CTNNA3: variants seen among roughly 807,000 people sequenced by gnomAD.
CTNNA3 encodes the protein catenin alpha 3.
CTNNA3 carries 76 observed loss-of-function variants against 95.7 expected under a neutral mutation model. The observed-to-expected ratio is 0.79, with a 90% CI of 0.66 to 0.96. The LOEUF (loss-of-function observed/expected upper bound fraction) is 0.96, where lower values mean the gene tolerates loss of function less well. Ranked by LOEUF, CTNNA3 falls within the 40% of genes least tolerant of loss-of-function variation. The pLI is 0.00. For missense variants in CTNNA3, 1,191 were observed against 1,089.8 expected, an observed-to-expected ratio of 1.09 and a Z score of -1.31; for synonymous variants, 431 against 374.4, an observed-to-expected ratio of 1.15 and a Z score of -1.74.
At chr10:66,447,777 A>C (rs1372663760) in intron 11 of CTNNA3, among the ~76,000 whole-genome samples, 1 of 152,162 alleles carries the variant, frequency 6.6e-6, no homozygotes, top group Non-Finnish European at 1.5e-5. Flanking sequence ...CAAGGACTTC[A>C]TGTCTAAAAC....
intron 3 of CTNNA3, among the ~76,000 whole-genome samples, chr10:67,584,071 CAA>C (rs1036600050): frequency 6.6e-6 from 1 of 152,192 alleles, no homozygotes; most frequent in African/African-American, 2.4e-5. Context: ...CTCAATTCAT[CAA>C]AGTCATTCTC....
chr10:66,455,801 C>A (rs917981857), intron 11 of CTNNA3, among the ~76,000 whole-genome samples: 4 of 152,182 alleles, frequency 2.6e-5, no homozygotes, highest in African/African-American at 9.6e-5. Context: ...CTTGAATTAT[C>A]TTCTGAGCAA....
At chr10:67,068,025 T>C (rs544393060) in intron 7 of CTNNA3, among the ~76,000 whole-genome samples, 2 of 152,324 alleles carry the variant, frequency 1.3e-5, no homozygotes, top group African/African-American at 4.8e-5. Flanking sequence ...AGTGAAGAAT[T>C]AAAGAACATC....
At chr10:66,812,230 T>C (rs1395788379) in intron 7 of CTNNA3, among the ~76,000 whole-genome samples, 6 of 152,120 alleles carry the variant, frequency 3.9e-5, no homozygotes, top group Admixed American at 2.0e-4. Flanking sequence ...CTAAATTCAA[T>C]AATACATTGA....
chr10:67,640,524 CA>C (rs1209652273), intron 2 of CTNNA3, among the ~76,000 whole-genome samples: 1 of 152,018 alleles, frequency 6.6e-6, no homozygotes, highest in Admixed American at 6.5e-5. Flanking sequence ...CATATGGAAC[CA>C]AAAAAGAGCC....
intron 12 of CTNNA3, among the ~76,000 whole-genome samples, chr10:66,317,748 A>G (rs562955268): frequency 2.1e-4 from 32 of 152,192 alleles, no homozygotes; most frequent in Middle Eastern, 3.4e-3. Context: ...ATTTAATGTC[A>G]GTAACACAAA....
intron 9 of CTNNA3, among the ~76,000 whole-genome samples, chr10:66,641,272 A>C (rs1407141071): frequency 6.6e-6 from 1 of 152,216 alleles, no homozygotes; most frequent in Non-Finnish European, 1.5e-5. Context: ...ACATATAGCC[A>C]ATGAAGCCAC....
chr10:67,284,319 T>C (rs1021610046), intron 5 of CTNNA3, among the ~76,000 whole-genome samples: 3 of 152,190 alleles, frequency 2.0e-5, no homozygotes, highest in African/African-American at 7.2e-5. Context: ...GGCTATGCTT[T>C]TGAATTACAT....
At chr10:67,393,672 C>T (rs976010325) in intron 5 of CTNNA3, among the ~76,000 whole-genome samples, 2 of 152,108 alleles carry the variant, frequency 1.3e-5, no homozygotes, top group Non-Finnish European at 2.9e-5. Context: ...AGTGATAATG[C>T]AATAATGATT....
intron 9 of CTNNA3, among the ~76,000 whole-genome samples, chr10:66,661,630 A>C (rs1411337833): frequency 1.3e-5 from 2 of 152,136 alleles, no homozygotes; most frequent in Non-Finnish European, 2.9e-5. Flanking sequence ...CCAGGGTTTT[A>C]AGTGCACCAA....
Position 66,155,582 on chromosome 10 carries a change from A to C in CTNNA3, c.1885-52333T>G, listed in dbSNP as rs986965445. Among the ~76,000 whole-genome samples the C allele has an allele frequency of 5.9e-5, 9 of 151,952 alleles. No homozygotes were observed. The East Asian group carries it at 1.7e-3, about 29-fold the overall frequency. ...GATCTACAGCAACAACAATAATATGAAGCTTTGGTGCTGTGGGGAGCGGAG... is the reference window on the plus strand; with the variant it reads ...GATCTACAGCAACAACAATAATATGCAGCTTTGGTGCTGTGGGGAGCGGAG... On this transcript the variant is annotated intron_variant, in intron 13 of 17. Transcript: ENST00000433211.
intron 15 of CTNNA3, among the ~76,000 whole-genome samples, chr10:66,056,456 T>A (rs1448490866): frequency 1.3e-5 from 2 of 152,148 alleles, no homozygotes; most frequent in Admixed American, 6.5e-5. Context: ...GTATTTTTTT[T>A]ATCATGTTCA....
intron 2 of CTNNA3, among the ~76,000 whole-genome samples, chr10:67,608,919 CCT>C (rs1454342818): frequency 2.6e-5 from 4 of 151,732 alleles, no homozygotes; most frequent in Non-Finnish European, 5.9e-5. Context: ...GGACAAACCC[CCT>C]CTCTACTAAA....
intron 10 of CTNNA3, among the ~76,000 whole-genome samples, chr10:66,572,221 A>AGATGAGTGAGAAATTCTAAGTTTG (rs1564541070): frequency 6.6e-6 from 1 of 151,844 alleles, no homozygotes; most frequent in African/African-American, 2.4e-5. Context: ...CGTCTCTACT[A>AGATGAGTGAGAAATTCTAAGTTTG]AAAATACAAA....
At chr10:66,558,653 T>C (rs1462030116) in intron 10 of CTNNA3, among the ~76,000 whole-genome samples, 1 of 152,150 alleles carries the variant, frequency 6.6e-6, no homozygotes, top group East Asian at 1.9e-4. Context: ...TGTGTACTGA[T>C]TTGTGTCTAT....
intron 7 of CTNNA3, among the ~76,000 whole-genome samples, chr10:66,811,990 C>T (rs1033608912): frequency 1.3e-5 from 2 of 152,174 alleles, no homozygotes; most frequent in East Asian, 1.9e-4. Flanking sequence ...TGAGCTCCTG[C>T]TTCCTGAGAT....
intron 13 of CTNNA3, among the ~76,000 whole-genome samples, chr10:66,162,807 G>A (rs1431423397): frequency 1.3e-5 from 2 of 151,870 alleles, no homozygotes; most frequent in African/African-American, 4.8e-5. Flanking sequence ...CACTACTAGG[G>A]TGAGTAGGGA....
intron 3 of CTNNA3, among the ~76,000 whole-genome samples, chr10:67,541,115 C>T (rs544364873): frequency 8.6e-5 from 13 of 151,876 alleles, no homozygotes; most frequent in Non-Finnish European, 1.6e-4. Context: ...CTATAAAGAA[C>T]GTCCAGGACA....
At chr10:66,347,307 A>C (rs143477927) in intron 12 of CTNNA3, among the ~76,000 whole-genome samples, 1 of 152,194 alleles carries the variant, frequency 6.6e-6, no homozygotes, top group East Asian at 1.9e-4. Flanking sequence ...AGGAAGTTTT[A>C]TGTCTTATTA....
Sources: gnomAD v4.1 joint callset for allele counts (sites outside exome capture counted in the v4.1 genomes callset) on GRCh38, gnomAD v4.1.1 for gene constraint, MANE v1.5 for transcripts, NCBI Gene and HGNC (gene_info 2026-07-23, HGNC 2026-07-21) for gene names.